TXNL1: variants seen among roughly 807,000 people sequenced by gnomAD.
TXNL1 encodes thioredoxin-like protein 1.
A neutral mutation model predicts 35.5 loss-of-function variants in TXNL1; 14 were observed. That is an observed-to-expected ratio of 0.39 (90% CI 0.26 to 0.62). TXNL1 has a LOEUF of 0.62. Among genes scored for constraint, TXNL1 ranks in the 20% least tolerant of loss-of-function variants. The pLI is 0.47. For synonymous variants in TXNL1, 110 were observed against 115.5 expected (o/e 0.95, Z 0.31); for missense variants, 263 against 349.7 (o/e 0.75, Z 1.98).
chr18:56,616,463 G>C, intron 4 of TXNL1, 149 bp from the exon 5 acceptor site: 1 of 640,108 alleles, frequency 1.6e-6, no homozygotes, highest in Non-Finnish European at 2.7e-6. Flanking sequence ...ATCAGCAAGT[G>C]GAGAGTCACT....
intron 1 of TXNL1, among the ~76,000 whole-genome samples, chr18:56,629,152 T>C (rs2024331236): frequency 1.3e-5 from 2 of 152,190 alleles, no homozygotes; most frequent in African/African-American, 4.8e-5. Flanking sequence ...ACATGTAGTA[T>C]AAGGAAGTTC....
intron 1 of TXNL1, among the ~76,000 whole-genome samples, chr18:56,634,557 A>C (rs928719481): frequency 3.3e-5 from 5 of 152,214 alleles, no homozygotes; most frequent in Admixed American, 2.6e-4. Context: ...TGATCATTCA[A>C]TGAGGAAAAG....
chr18:56,619,696 C>T (rs1037048611), intron 3 of TXNL1, among the ~76,000 whole-genome samples: 1 of 149,722 alleles, frequency 6.7e-6, no homozygotes, highest in Non-Finnish European at 1.5e-5. Context: ...TTTATTCTAA[C>T]ACTTCCATAC....
At chr18:56,614,720 C>G in intron 5 of TXNL1, 124 bp from the exon 6 acceptor site, 4 of 767,140 alleles carry the variant, frequency 5.2e-6, no homozygotes, top group Non-Finnish European at 7.9e-6. Context: ...CAAATAACTC[C>G]ATTATTAGAA....
chr18:56,605,170 G>C (rs896584087), intron 7 of TXNL1: 3 of 152,132 alleles, frequency 2.0e-5, no homozygotes, highest in African/African-American at 7.2e-5. Context: ...AGAAAGAGAT[G>C]ATTGAGGAAA....
At chr18:56,621,025 C>A (rs2024171849) in intron 3 of TXNL1, among the ~76,000 whole-genome samples, 1 of 152,120 alleles carries the variant, frequency 6.6e-6, no homozygotes, top group Admixed American at 6.5e-5. Flanking sequence ...TTGACAAAAT[C>A]TTTAAAATGT....
At chr18:56,635,484 ACTATG>A (rs1208106383) in intron 1 of TXNL1, among the ~76,000 whole-genome samples, 1 of 152,246 alleles carries the variant, frequency 6.6e-6, no homozygotes, top group African/African-American at 2.4e-5. Flanking sequence ...CCTTGAAAAT[ACTATG>A]CTAAGTGAAG....
rs1215371938 is a variant in TXNL1 at position 56,624,297 on chromosome 18, T to C, written c.360A>G (p.Pro120=). ...TTTTCAGTCTACATACATAGCCTTT[T>C]GGAATATCTGTGTCCTCATTGCTTC... is the stretch of plus-strand genomic sequence containing the variant. The part of the protein sequence containing the change: ...DPGSNEDTDI[P]KGYMDLMPFI... The change falls in exon 3 of 8, where the codon CCA becomes CCG. Residue 120 remains proline, a synonymous_variant. Transcript: ENST00000217515. 2 of 1,613,020 alleles carry C rather than the reference T, an allele frequency of 1.2e-6. No homozygotes were observed. The highest frequency in any genetic ancestry group is 1.1e-5 in the South Asian group (1 of 90,974).
At chr18:56,612,413 A>G (rs2024011864) in intron 6 of TXNL1, among the ~76,000 whole-genome samples, 1 of 152,046 alleles carries the variant, frequency 6.6e-6, no homozygotes, top group Non-Finnish European at 1.5e-5. Context: ...CTCTATATTT[A>G]ATAACTCCCC....
rs545982450 is a variant in TXNL1, at chr18:56,600,247, T to C, written c.*2780A>G. The C allele has an allele frequency of 9.3e-4, 141 of 152,392 alleles. No homozygotes were observed. The highest frequency in any genetic ancestry group is 1.7e-3 in the Non-Finnish European group (116 of 68,076). The allele number at this position is 152,392 out of a possible 1,614,324, so 9.4% of individuals were successfully genotyped here. On this transcript the variant is annotated 3_prime_UTR_variant, in exon 8 of 8. Transcript: ENST00000217515. Reference sequence around the variant, plus strand: ...AAAACACTGCATACATCCTCAAACATTGAGACAAAGGATGGCAGACAGGTT... The same window carrying C: ...AAAACACTGCATACATCCTCAAACACTGAGACAAAGGATGGCAGACAGGTT...
In TXNL1 at chr18:56,600,073, T is replaced by C. The variant is rs1250226990; in HGVS notation, c.*2954A>G. 1 of 152,206 alleles carries C rather than the reference T, an allele frequency of 6.6e-6. No individual in the cohort carries two copies. The highest frequency in any genetic ancestry group is 1.5e-5 in the Non-Finnish European group (1 of 68,044). The allele number at this position is 152,206 out of a possible 1,614,324, so 9.4% of individuals were successfully genotyped here. On this transcript the variant is annotated 3_prime_UTR_variant, in exon 8 of 8. Transcript: ENST00000217515. ...ATTCAACTCCAACACTTTATTCTTA[T>C]TACAGAATCAAAGCTTTTAGACATT...
intron 4 of TXNL1, 41 bp from the exon 5 acceptor site, chr18:56,616,355 C>A (rs766646343): frequency 1.3e-6 from 2 of 1,534,390 alleles, no homozygotes; most frequent in Non-Finnish European, 1.8e-6. Flanking sequence ...CTCTTGTACA[C>A]ACCTTGAGTA....
In TXNL1 at chr18:56,631,907, C is replaced by A. The variant is rs552363206; in HGVS notation, c.99-5450G>T. Among the ~76,000 whole-genome samples the A allele has an allele frequency of 8.4e-5, 12 of 142,332 alleles. 1 individual carries two copies. In the Middle Eastern group the frequency reaches 0.011, roughly 130 times the overall value. 93.4% of individuals were successfully genotyped at this position (142,332 alleles called of 152,430 possible). On this transcript the variant is annotated intron_variant, in intron 1 of 7. Transcript: ENST00000217515. ...TGAACTCTAGCCTAGGCAAAAACAG[C>A]GAAACTCTGTCTCAAAAAAAAAAAA... is the stretch of plus-strand genomic sequence containing the variant.
rs2024122264 is a variant in TXNL1, at chr18:56,618,171, TATAAAA to T, written c.370-51_370-46del. 13 of 1,571,990 alleles carry T rather than the reference TATAAAA, an allele frequency of 8.3e-6. No individual in the cohort carries two copies. In the East Asian group the frequency reaches 2.9e-4, roughly 36 times the overall value. On this transcript the variant is annotated intron_variant, in intron 3 of 7. Transcript: ENST00000217515. Reference sequence around the variant, plus strand: ...TTTTAGGCAACATATTTGGATTAGGTATAAAAATGTTTAAAAAATTTAAATCTCTGA... The same window carrying T: ...TTTTAGGCAACATATTTGGATTAGGTATGTTTAAAAAATTTAAATCTCTGA...
At chr18:56,616,538 TAATC>T (rs1335162802) in intron 4 of TXNL1, among the ~76,000 whole-genome samples, 3 of 151,308 alleles carry the variant, frequency 2.0e-5, no homozygotes, top group Admixed American at 1.3e-4. Context: ...AAGAAAAAAT[TAATC>T]AAGTAAATAC....
chr18:56,606,151 G>A (rs522688), intron 7 of TXNL1, among the ~76,000 whole-genome samples: 1 of 152,054 alleles, frequency 6.6e-6, no homozygotes, highest in Non-Finnish European at 1.5e-5. Context: ...CCAGGCGGGC[G>A]GATCAACGAG....
Position 56,600,755 on chromosome 18 carries a change from GAGAACTCAGA to G in TXNL1, c.*2262_*2271del, listed in dbSNP as rs1439392147. 1 of 152,282 alleles carries G rather than the reference GAGAACTCAGA, an allele frequency of 6.6e-6. No homozygotes were observed. Among genetic ancestry groups the G allele is most frequent in the African/African-American group, 2.4e-5 (1 of 41,432 alleles). The allele number at this position is 152,282 out of a possible 1,614,324, so 9.4% of individuals were successfully genotyped here. A position where few individuals can be genotyped will look rare whatever the true frequency, so the allele number is the denominator to read the frequency against. On this transcript the variant is annotated 3_prime_UTR_variant, in exon 8 of 8. Transcript: ENST00000217515. Reference sequence around the variant, plus strand: ...GAACAACGTGGGGCTTGATGTCAAAGAGAACTCAGAAGGATTATAAAAGCCTGTCGTGGGC... The same window carrying G: ...GAACAACGTGGGGCTTGATGTCAAAGAGGATTATAAAAGCCTGTCGTGGGC...
intron 1 of TXNL1, among the ~76,000 whole-genome samples, chr18:56,635,915 G>T (rs1314625259): frequency 6.6e-6 from 1 of 152,102 alleles, no homozygotes; most frequent in African/African-American, 2.4e-5. Flanking sequence ...AATGCCTAAG[G>T]TAAATGCTAT....
chr18:56,638,532 G>A lies in TXNL1; in HGVS notation c.-92C>T, dbSNP rs1007465892. ...TGGGAGAGGAAGGAGAGATGCTCAGGAAGGCCGAGGCCTGGACAGAAGAGG... is the reference window on the plus strand; with the variant it reads ...TGGGAGAGGAAGGAGAGATGCTCAGAAAGGCCGAGGCCTGGACAGAAGAGG... On this transcript the variant is annotated 5_prime_UTR_variant, in exon 1 of 8. Transcript: ENST00000217515. The A allele has an allele frequency of 3.0e-6, 4 of 1,329,530 alleles. No individual in the cohort carries two copies. In the African/African-American group the frequency reaches 5.8e-5, roughly 19 times the overall value. 82.4% of individuals were successfully genotyped at this position (1,329,530 alleles called of 1,614,324 possible). A position where few individuals can be genotyped will look rare whatever the true frequency, so the allele number is the denominator to read the frequency against.
Sources: gnomAD v4.1 joint callset for allele counts (sites outside exome capture counted in the v4.1 genomes callset) on GRCh38, gnomAD v4.1.1 for gene constraint, MANE v1.5 for transcripts, NCBI Gene and HGNC (gene_info 2026-07-23, HGNC 2026-07-21) for gene names.